The following ZNF804A variants were observed in gnomAD, a reference collection of about 807,000 sequenced individuals.
ZNF804A encodes the protein zinc finger protein 804A.
In ZNF804A, 2 loss-of-function variants were observed where a neutral mutation model predicts 16.5. That is an observed-to-expected ratio of 0.12 (90% CI 0.05 to 0.38). The LOEUF is 0.38. Among genes scored for constraint, ZNF804A ranks in the 10% least tolerant of loss-of-function variants. The pLI, the probability that ZNF804A is intolerant of heterozygous loss-of-function variation, is 0.99. For synonymous variants in ZNF804A, 534 were observed against 489.6 expected, an observed-to-expected ratio of 1.09 and a Z score of -1.20; for missense variants, 1,473 against 1,390.7, an observed-to-expected ratio of 1.06 and a Z score of -0.94.
intron 2 of ZNF804A, among the ~76,000 whole-genome samples, chr2:184,867,810 G>A (rs918731284): frequency 3.2e-4 from 48 of 152,046 alleles, no homozygotes; most frequent in African/African-American, 1.1e-3. Flanking sequence ...ATGCTGTTTT[G>A]AAAGAGTTGA....
chr2:184,870,038 C>T (rs1272459709), intron 2 of ZNF804A, among the ~76,000 whole-genome samples: 1 of 151,846 alleles, frequency 6.6e-6, no homozygotes, highest in Non-Finnish European at 1.5e-5. Flanking sequence ...AAAAGATGTT[C>T]GATTGTAACA....
At chr2:184,601,248 G>A (rs1691040084) in intron 1 of ZNF804A, among the ~76,000 whole-genome samples, 1 of 151,918 alleles carries the variant, frequency 6.6e-6, no homozygotes, top group South Asian at 2.1e-4. Flanking sequence ...TGAGATTTAT[G>A]CCTGTCTTTA....
chr2:184,784,382 T>C (rs571342255), intron 1 of ZNF804A, among the ~76,000 whole-genome samples: 2 of 152,140 alleles, frequency 1.3e-5, no homozygotes, highest in East Asian at 3.9e-4. Flanking sequence ...ATACTACATA[T>C]TACTATATTA....
At chr2:184,684,424 A>G (rs1421691160) in intron 1 of ZNF804A, among the ~76,000 whole-genome samples, 1 of 152,230 alleles carries the variant, frequency 6.6e-6, no homozygotes, top group Non-Finnish European at 1.5e-5. Flanking sequence ...ATTTTGTTTT[A>G]TAAGCTCTAT....
intron 1 of ZNF804A, among the ~76,000 whole-genome samples, chr2:184,782,529 C>T (rs1346966510): frequency 6.6e-6 from 1 of 151,474 alleles, no homozygotes; most frequent in African/African-American, 2.4e-5. Context: ...TGGATGCTTC[C>T]TGCCCTTGAA....
At chr2:184,873,407 G>A (rs78167161) in intron 2 of ZNF804A, among the ~76,000 whole-genome samples, 5,317 of 152,284 alleles carry the variant, frequency 0.035, 128 homozygotes, top group Middle Eastern at 0.065. Flanking sequence ...AGGATCGCTT[G>A]AGCCTGGGAG....
chr2:184,721,173 A>G (rs1189015758), intron 1 of ZNF804A, among the ~76,000 whole-genome samples: 1 of 152,194 alleles, frequency 6.6e-6, no homozygotes, highest in Non-Finnish European at 1.5e-5. Context: ...ACACTTCTGG[A>G]AATTTGCCTA....
rs1413344273 is a variant in ZNF804A at position 184,791,326 on chromosome 2, G to GA, written c.112-75039dup. Among the ~76,000 whole-genome samples the GA allele has an allele frequency of 8.5e-5, 13 of 152,138 alleles. 1 individual carries two copies. The South Asian group carries it at 2.7e-3, about 32-fold the overall frequency. On this transcript the variant is annotated intron_variant, in intron 1 of 3. Transcript: ENST00000302277. ...CTATCAGCCTTTCATTTCCGTATTT[G>GA]AAAATCCTTTGATTGTAGGATCAGT...
chr2:184,850,830 A>G (rs1416510318), intron 1 of ZNF804A, among the ~76,000 whole-genome samples: 1 of 151,774 alleles, frequency 6.6e-6, no homozygotes, highest in African/African-American at 2.4e-5. Flanking sequence ...TTGCAATTTT[A>G]ACTTATTTAA....
intron 1 of ZNF804A, among the ~76,000 whole-genome samples, chr2:184,623,237 T>C (rs1038833560): frequency 3.3e-5 from 5 of 152,006 alleles, no homozygotes; most frequent in African/African-American, 9.7e-5. Flanking sequence ...CAAAATAAAA[T>C]ACTGGGAAGT....
chr2:184,720,919 A>G (rs1356899696), intron 1 of ZNF804A, among the ~76,000 whole-genome samples: 1 of 152,202 alleles, frequency 6.6e-6, no homozygotes, highest in African/African-American at 2.4e-5. Context: ...GCAATAGAAT[A>G]GAGAACCCAT....
intron 1 of ZNF804A, among the ~76,000 whole-genome samples, chr2:184,694,435 T>G (rs1055698998): frequency 2.0e-5 from 3 of 152,212 alleles, no homozygotes; most frequent in African/African-American, 7.2e-5. Context: ...TAATTATGTG[T>G]GCTTTCATAT....
intron 1 of ZNF804A, among the ~76,000 whole-genome samples, chr2:184,817,823 C>G (rs760868869): frequency 2.6e-5 from 4 of 151,930 alleles, no homozygotes; most frequent in Admixed American, 2.0e-4. Context: ...TGAAGACTAT[C>G]TTTCCGAAAT....
intron 1 of ZNF804A, among the ~76,000 whole-genome samples, chr2:184,667,494 G>A (rs1574153960): frequency 6.6e-6 from 1 of 151,740 alleles, no homozygotes; most frequent in East Asian, 1.9e-4. Context: ...TGTGGGCCGA[G>A]GATCTACTAT....
At position 184,916,587 on chromosome 2, in the gene ZNF804A, C is replaced by T. The variant is rs372948997; in HGVS notation, c.256-17016C>T. Among the ~76,000 whole-genome samples, 6 of 152,124 alleles carry T rather than the reference C, an allele frequency of 3.9e-5. No individual in the cohort carries two copies. In the South Asian group the frequency reaches 6.2e-4, roughly 16 times the overall value. ...AAGATTGGCCTGGCACGGTGGCTGA[C>T]GCCTGCAATCCCAGCACTTTGGGAG... On this transcript the variant is annotated intron_variant, in intron 2 of 3. Coordinates refer to ENST00000302277, the MANE Select transcript of ZNF804A (RefSeq NM_194250.2).
At chr2:184,782,521 G>T (rs1016205820) in intron 1 of ZNF804A, among the ~76,000 whole-genome samples, 4 of 151,422 alleles carry the variant, frequency 2.6e-5, no homozygotes, top group Admixed American at 1.3e-4. Context: ...TCTCATGCTG[G>T]ATGCTTCCTG....
chr2:184,883,159 T>C (rs1684835587), intron 2 of ZNF804A, among the ~76,000 whole-genome samples: 1 of 151,844 alleles, frequency 6.6e-6, no homozygotes, highest in Admixed American at 6.6e-5. Flanking sequence ...TAAACATCTG[T>C]GTCCACACAA....
rs116032877 is a variant in ZNF804A at position 184,716,716 on chromosome 2, G to A, written c.111+117646G>A. Among the ~76,000 whole-genome samples, 829 of 152,210 alleles carry A rather than the reference G, an allele frequency of 5.4e-3. 8 individuals are homozygous for A. Among genetic ancestry groups the A allele is most frequent in the African/African-American group, 0.019 (792 of 41,554 alleles). On this transcript the variant is annotated intron_variant, in intron 1 of 3. Transcript: ENST00000302277. ...ACTACCCAAGACAAATATTATATGA[G>A]CCAAATACTAGACAAGACAAATTCT...
intron 1 of ZNF804A, among the ~76,000 whole-genome samples, chr2:184,678,295 G>T (rs1393259081): frequency 2.0e-5 from 3 of 151,814 alleles, no homozygotes; most frequent in African/African-American, 7.3e-5. Flanking sequence ...TTTATTGCAG[G>T]CATTCTGAAA....
Sources: gnomAD v4.1 joint callset for allele counts (sites outside exome capture counted in the v4.1 genomes callset) on GRCh38, gnomAD v4.1.1 for gene constraint, MANE v1.5 for transcripts, NCBI Gene and HGNC (gene_info 2026-07-23, HGNC 2026-07-21) for gene names.